Variants in UPF2 observed in about 807,000 individuals in gnomAD.
UPF2 encodes the protein regulator of nonsense transcripts 2.
In UPF2, 17 loss-of-function variants were observed where a neutral mutation model predicts 141.4. The observed-to-expected ratio is 0.12, with a 90% CI of 0.08 to 0.18. The LOEUF is 0.18. Among genes scored for constraint, UPF2 ranks in the 10% least tolerant of loss-of-function variants. The probability of loss-of-function intolerance (pLI) is 1.00; values close to 1 mark genes in which losing one functional copy is unlikely to be tolerated. For missense variants in UPF2, 1,152 were observed against 1,515.9 expected, an observed-to-expected ratio of 0.76 and a Z score of 3.99; for synonymous variants, 540 against 498.0, an observed-to-expected ratio of 1.08 and a Z score of -1.12.
At chr10:12,031,561 G>A (rs1347499731) in intron 2 of UPF2, among the ~76,000 whole-genome samples, 1 of 152,164 alleles carries the variant, frequency 6.6e-6, no homozygotes, top group African/African-American at 2.4e-5. Context: ...GGTGGGAAGA[G>A]CCCAGGAGTT....
intron 1 of UPF2, among the ~76,000 whole-genome samples, chr10:12,037,658 G>A (rs1222138332): frequency 1.3e-5 from 2 of 151,828 alleles, no homozygotes; most frequent in Admixed American, 6.6e-5. Flanking sequence ...CTCCCAAAGT[G>A]CAGGATTACA....
chr10:11,976,141 G>T (rs1425229100), intron 9 of UPF2, among the ~76,000 whole-genome samples: 1 of 152,156 alleles, frequency 6.6e-6, no homozygotes, highest in Non-Finnish European at 1.5e-5. Flanking sequence ...CAAACCCATT[G>T]TTTCAACTAG....
intron 11 of UPF2, among the ~76,000 whole-genome samples, chr10:11,962,742 T>C (rs775111238): frequency 4.5e-4 from 69 of 152,336 alleles, no homozygotes; most frequent in Non-Finnish European, 6.8e-4. Flanking sequence ...TCAAGCTCCT[T>C]AGCATGGCAC....
chr10:12,030,296 T>C lies in UPF2; in HGVS notation c.366-772A>G, dbSNP rs1174259310. Among the ~76,000 whole-genome samples, 4 of 152,180 alleles carry C rather than the reference T, an allele frequency of 2.6e-5. No homozygotes were observed. The East Asian group carries it at 5.8e-4, about 22-fold the overall frequency. On this transcript the variant is annotated intron_variant, in intron 2 of 21. Transcript: ENST00000357604. Reference sequence around the variant, plus strand: ...ACCAGATGTGGTGGCTCCCAGCACTTTGGGAGGCGGGTGGATCACCTAAGG... The same window carrying C: ...ACCAGATGTGGTGGCTCCCAGCACTCTGGGAGGCGGGTGGATCACCTAAGG...
chr10:12,033,168 C>T (rs1355139681), intron 2 of UPF2, among the ~76,000 whole-genome samples: 1 of 152,102 alleles, frequency 6.6e-6, no homozygotes, highest in Non-Finnish European at 1.5e-5. Flanking sequence ...ACTAGGGAGG[C>T]TGTAGTGGGA....
Position 11,979,229 on chromosome 10 carries a change from T to C in UPF2, c.1845-64A>G. On this transcript the variant is annotated intron_variant, in intron 8 of 21. Coordinates refer to ENST00000357604, the MANE Select transcript of UPF2 (RefSeq NM_015542.4). The surrounding 1 kb of genome is among the most constrained non-coding windows in gnomAD (Gnocchi z 6.2). ...ATATCAAAAATAATTCATTTTAAAATTTAAACTTTTCAGATGTATTCACAC... is the reference window on the plus strand; with the variant it reads ...ATATCAAAAATAATTCATTTTAAAACTTAAACTTTTCAGATGTATTCACAC... 1.5e-6 allele frequency: 2 copies of C among 1,321,548 alleles called. No individual in the cohort carries two copies. Among genetic ancestry groups the C allele is most frequent in the South Asian group, 1.3e-5 (1 of 74,676 alleles). The allele number at this position is 1,321,548 out of a possible 1,614,324, so 81.9% of individuals were successfully genotyped here.
At chr10:12,001,145 T>C (rs1056060920) in intron 6 of UPF2, among the ~76,000 whole-genome samples, 1 of 152,198 alleles carries the variant, frequency 6.6e-6, no homozygotes, top group Admixed American at 6.5e-5. Context: ...CCGGGTGCGG[T>C]GGCTCATGCC....
intron 2 of UPF2, among the ~76,000 whole-genome samples, chr10:12,031,786 C>A (rs994638795): frequency 6.6e-6 from 1 of 152,002 alleles, no homozygotes; most frequent in Non-Finnish European, 1.5e-5. Flanking sequence ...AAAAGTTATA[C>A]GCATATCTAT....
Position 11,956,545 on chromosome 10 carries a change from C to A in UPF2, c.2371-22G>T. On this transcript the variant is annotated intron_variant, in intron 12 of 21. Transcript: ENST00000357604. This position sits in a 1 kb window ranked among gnomAD's most constrained non-coding sequence, Gnocchi z 4.2. ...AAACCTAAAAAAAGAGAATTTTGTT[C>A]AAATTATTAAGATAAGTACACAGTA... 2 of 1,609,226 alleles carry A rather than the reference C, an allele frequency of 1.2e-6. No individual in the cohort carries two copies. The highest frequency in any genetic ancestry group is 2.2e-5 in the South Asian group (2 of 90,666).
chr10:12,035,408 T>C lies in UPF2; in HGVS notation c.16A>G (p.Lys6Glu), dbSNP rs766463332. Residue 6 changes from lysine to glutamate, a missense_variant, in exon 2 of 22, where the codon AAA becomes GAA. Transcript: ENST00000357604. MPAERKKPASMEEKDS... is the reference protein window; with the variant it reads MPAEREKPASMEEKDS... Reference sequence around the variant, plus strand: ...TTTTCTTCCATACTTGCTGGCTTTTTACGCTCAGCTGGCATTATGTGACCC... The same window carrying C: ...TTTTCTTCCATACTTGCTGGCTTTTCACGCTCAGCTGGCATTATGTGACCC... The C allele has an allele frequency of 6.3e-7, 1 of 1,582,856 alleles. No individual in the cohort carries two copies. Among genetic ancestry groups the C allele is most frequent in the Non-Finnish European group, 8.5e-7 (1 of 1,169,646 alleles).
chr10:11,987,603 T>A (rs1405501482), intron 8 of UPF2, among the ~76,000 whole-genome samples: 2 of 150,804 alleles, frequency 1.3e-5, no homozygotes, highest in Non-Finnish European at 3.0e-5. Flanking sequence ...ACTAAAAAAA[T>A]ATATAAAAAT....
intron 3 of UPF2, among the ~76,000 whole-genome samples, chr10:12,025,494 TGAGCCAA>T (rs1394423639): frequency 3.9e-5 from 6 of 152,016 alleles, no homozygotes; most frequent in South Asian, 2.1e-4. Flanking sequence ...AAGGTTGCAG[TGAGCCAA>T]GACCATGACA....
At chr10:12,009,876 G>A (rs979007376) in intron 4 of UPF2, among the ~76,000 whole-genome samples, 3 of 152,156 alleles carry the variant, frequency 2.0e-5, no homozygotes, top group Non-Finnish European at 4.4e-5. Context: ...GAAACAAAAT[G>A]TTCACCTGAG....
intron 21 of UPF2, among the ~76,000 whole-genome samples, chr10:11,923,834 A>G (rs1321221672): frequency 6.6e-6 from 1 of 152,152 alleles, no homozygotes; most frequent in Non-Finnish European, 1.5e-5. Flanking sequence ...ACAAGACTCC[A>G]TCTCAAAAAA....
Position 11,939,229 on chromosome 10 carries a change from C to A in UPF2, c.3379-2517G>T, listed in dbSNP as rs932170354. Among the ~76,000 whole-genome samples, 5 of 152,100 alleles carry A rather than the reference C, an allele frequency of 3.3e-5. No individual in the cohort carries two copies. Among genetic ancestry groups the A allele is most frequent in the African/African-American group, 1.2e-4 (5 of 41,416 alleles). On this transcript the variant is annotated intron_variant, in intron 18 of 21. Coordinates refer to ENST00000357604, the MANE Select transcript of UPF2 (RefSeq NM_015542.4). The surrounding 1 kb of genome is among the most constrained non-coding windows in gnomAD (Gnocchi z 4.8). ...TTTAGCTAAAGCAAAGGAATACTAA[C>A]AGTATCTGACAGCACTATGCAAAGA... is the stretch of plus-strand genomic sequence containing the variant.
chr10:11,932,594 G>A (rs539541696), intron 19 of UPF2, among the ~76,000 whole-genome samples: 79 of 152,206 alleles, frequency 5.2e-4, no homozygotes, highest in African/African-American at 1.9e-3. Flanking sequence ...AATAAATACG[G>A]GGAAATGAAG....
intron 3 of UPF2, among the ~76,000 whole-genome samples, chr10:12,020,700 A>G (rs1834302601): frequency 6.6e-6 from 1 of 152,198 alleles, no homozygotes; most frequent in South Asian, 2.1e-4. Context: ...TGAATTCACT[A>G]TATGATTCAC....
At chr10:11,983,052 A>C (rs1312547886) in intron 8 of UPF2, among the ~76,000 whole-genome samples, 2 of 152,216 alleles carry the variant, frequency 1.3e-5, no homozygotes, top group South Asian at 4.1e-4. Context: ...ACCAGCACTC[A>C]AACAGTGCCT....
rs1189428848 is a variant in UPF2, at chr10:12,038,847, G to C, written c.-18-3406C>G. Among the ~76,000 whole-genome samples, 5 of 151,922 alleles carry C rather than the reference G, an allele frequency of 3.3e-5. No homozygotes were observed. In the East Asian group the frequency reaches 5.8e-4, roughly 18 times the overall value. Reference sequence around the variant, plus strand: ...AAAAAAAAACTGTTTTAATAAAATAGAGACAAGGTCTCAGTACGTTGCCCT... The same window carrying C: ...AAAAAAAAACTGTTTTAATAAAATACAGACAAGGTCTCAGTACGTTGCCCT... On this transcript the variant is annotated intron_variant, in intron 1 of 21. Transcript: ENST00000357604.
Sources: allele counts gnomAD v4.1 joint callset (sites outside exome capture counted in the v4.1 genomes callset), GRCh38; gene constraint gnomAD v4.1.1; non-coding constraint Gnocchi (gnomAD v3.1); transcripts MANE v1.5; gene names NCBI Gene and HGNC (gene_info 2026-07-23, HGNC 2026-07-21).